Variants in NEDD4 observed in about 807,000 individuals in gnomAD.
NEDD4 encodes E3 ubiquitin-protein ligase NEDD4.
NEDD4 carries 99 observed loss-of-function variants against 144.9 expected under a neutral mutation model. That is an observed-to-expected ratio of 0.68 (90% CI 0.58 to 0.81). NEDD4 has a LOEUF of 0.81. Ranked by LOEUF, NEDD4 falls within the 30% of genes least tolerant of loss-of-function variation. NEDD4 has a pLI of 0.00. For missense variants in NEDD4, 985 were observed against 1,065.9 expected, an observed-to-expected ratio of 0.92 and a Z score of 1.06; for synonymous variants, 318 against 350.6, an observed-to-expected ratio of 0.91 and a Z score of 1.04.
intron 9 of NEDD4, 46 bp from the exon 10 acceptor site, chr15:55,860,824 A>G: frequency 1.3e-6 from 2 of 1,499,194 alleles, no homozygotes; most frequent in Non-Finnish European, 1.8e-6. Flanking sequence ...TTAAGTAGTT[A>G]AAATGATTGT....
At chr15:55,922,504 AG>A (rs1400307241) in intron 5 of NEDD4, among the ~76,000 whole-genome samples, 1 of 152,102 alleles carries the variant, frequency 6.6e-6, no homozygotes, top group African/African-American at 2.4e-5. Context: ...CTGGGACTAC[AG>A]GTGCCCACCA....
rs114712899 is a variant in NEDD4, at chr15:55,896,820, T to C, written c.292-22812A>G. Among the ~76,000 whole-genome samples the C allele has an allele frequency of 2.6e-3, 399 of 152,282 alleles. 3 individuals are homozygous for C. Among genetic ancestry groups the C allele is most frequent in the Middle Eastern group, 0.01 (3 of 294 alleles). On this transcript the variant is annotated intron_variant, in intron 5 of 28. Coordinates refer to ENST00000435532, the MANE Select transcript of NEDD4 (RefSeq NM_006154.4). ...GAAATGTTAAGGAAAACTTTTATTC[T>C]TTGTTATAGCCCAATGTGCCTTACC...
intron 5 of NEDD4, among the ~76,000 whole-genome samples, chr15:55,912,529 A>T (rs2036307615): frequency 6.6e-6 from 1 of 152,164 alleles, no homozygotes. Context: ...AGCTTGGGAA[A>T]AATGCTAATG....
At chr15:55,856,300 A>C (rs1595755217) in intron 11 of NEDD4, 104 bp from the exon 12 acceptor site, 3 of 961,562 alleles carry the variant, frequency 3.1e-6, no homozygotes, top group African/African-American at 3.3e-5. Context: ...AGAAGAGAGA[A>C]GGCTGGCTAG....
intron 24 of NEDD4, among the ~76,000 whole-genome samples, chr15:55,835,919 T>C (rs2414444): frequency 0.41 from 62,039 of 151,964 alleles, 12,887 homozygotes; most frequent in South Asian, 0.48. Flanking sequence ...TTCTCCCTCA[T>C]TGAAATTCAG....
Position 55,838,188 on chromosome 15 carries a change from TA to T in NEDD4, c.2128-9del. 6.4e-7 allele frequency: 1 copy of T among 1,568,236 alleles called. No individual in the cohort carries two copies. ...CAGCTCATGTTGATGTGTCTAAAAT[TA>T]AACACAATAACTTGATATGTTATTT... On this transcript the variant is annotated splice_polypyrimidine_tract_variant and intron_variant, in intron 22 of 28. Coordinates refer to ENST00000435532, the MANE Select transcript of NEDD4 (RefSeq NM_006154.4).
At chr15:55,855,023 G>T (rs2034136146) in intron 12 of NEDD4, among the ~76,000 whole-genome samples, 1 of 152,158 alleles carries the variant, frequency 6.6e-6, no homozygotes, top group African/African-American at 2.4e-5. Flanking sequence ...GAGGAGGCTG[G>T]ACAGATGACA....
intron 26 of NEDD4, among the ~76,000 whole-genome samples, chr15:55,833,384 G>A (rs2033048432): frequency 6.6e-6 from 1 of 152,120 alleles, no homozygotes; most frequent in Admixed American, 6.6e-5. Context: ...TATGCTGGGT[G>A]CAGTGGCTCA....
chr15:55,833,100 A>C lies in NEDD4; in HGVS notation c.2435T>G (p.Val812Gly), dbSNP rs1347307640. The stretch of plus-strand genomic sequence containing the variant: ...TCTTTTTTCTGAATCCATCATTAAA[A>C]CAGCCTGAATAAGATAAAAACATCA... ...HQVIQWFWKAVLMMDSEKRIR... is the reference protein window; with the variant it reads ...HQVIQWFWKAGLMMDSEKRIR... The change falls in exon 27 of 29, where the codon GTT becomes GGT. Residue 812 changes from valine (V) to glycine (G), a missense_variant. Coordinates refer to ENST00000435532, the MANE Select transcript of NEDD4 (RefSeq NM_006154.4). 2.5e-6 allele frequency: 4 copies of C among 1,606,872 alleles called. No homozygotes were observed. Among genetic ancestry groups the C allele is most frequent in the African/African-American group, 1.3e-5 (1 of 74,778 alleles).
chr15:55,936,437 T>C (rs1228051443), intron 4 of NEDD4, among the ~76,000 whole-genome samples: 6 of 151,958 alleles, frequency 3.9e-5, no homozygotes, highest in Non-Finnish European at 4.4e-5. Context: ...AAAAAACACA[T>C]AGGAAATCCC....
chr15:55,955,038 T>C (rs2037313297), intron 2 of NEDD4, among the ~76,000 whole-genome samples: 1 of 147,598 alleles, frequency 6.8e-6, no homozygotes, highest in Non-Finnish European at 1.5e-5. Flanking sequence ...CAGCATTTTT[T>C]GAGACAGAGT....
At chr15:55,896,403 C>T (rs190472484) in intron 5 of NEDD4, among the ~76,000 whole-genome samples, 9 of 152,154 alleles carry the variant, frequency 5.9e-5, no homozygotes, top group East Asian at 5.8e-4. Context: ...AGGCTGGTCT[C>T]GAACTCCTGG....
At chr15:55,920,958 A>G (rs1162784401) in intron 5 of NEDD4, among the ~76,000 whole-genome samples, 1 of 152,176 alleles carries the variant, frequency 6.6e-6, no homozygotes, top group African/African-American at 2.4e-5. Context: ...TCTCAAGAAA[A>G]GCTGTATTTC....
At chr15:55,852,580 A>C (rs768546091) in intron 12 of NEDD4, 37 bp from the exon 13 acceptor site, 30 of 1,602,524 alleles carry the variant, frequency 1.9e-5, no homozygotes, top group Non-Finnish European at 2.6e-5. Context: ...AAATACATCA[A>C]GTTTAAGAAT....
rs71110349 is a variant in NEDD4 at position 55,883,882 on chromosome 15, C to CTT, written c.292-9876_292-9875dup. On this transcript the variant is annotated intron_variant, in intron 5 of 28. Transcript: ENST00000435532. ...ATCCAAGACCACCAAAGTGGCACTT[C>CTT]TTTTTTTTTTTTTTTGAGACAGAGT... Among the ~76,000 whole-genome samples, 328 of 140,896 alleles carry CTT rather than the reference C, an allele frequency of 2.3e-3. 3 individuals carry two copies. The highest frequency in any genetic ancestry group is 0.011 in the Middle Eastern group (3 of 268). The allele number at this position is 140,896 out of a possible 152,430, so 92.4% of individuals were successfully genotyped here.
chr15:55,963,517 G>A (rs1284598561), intron 2 of NEDD4, among the ~76,000 whole-genome samples: 4 of 151,796 alleles, frequency 2.6e-5, no homozygotes, highest in South Asian at 2.1e-4. Flanking sequence ...ACTTAGTATT[G>A]TACCATTCTA....
At chr15:55,968,074 T>C (rs1272765900) in intron 1 of NEDD4, among the ~76,000 whole-genome samples, 2 of 152,166 alleles carry the variant, frequency 1.3e-5, no homozygotes, top group Non-Finnish European at 2.9e-5. Context: ...TGTTTACGTG[T>C]GAAAATATTT....
chr15:55,842,996 T>C (rs1156565114), intron 18 of NEDD4, among the ~76,000 whole-genome samples: 2 of 152,178 alleles, frequency 1.3e-5, no homozygotes, highest in Admixed American at 6.5e-5. Flanking sequence ...TGGGAGGTGA[T>C]TGAATTATGG....
At position 55,842,129 on chromosome 15, in the gene NEDD4, C is replaced by T. The variant is rs139245513; in HGVS notation, c.1643G>A (p.Arg548His). Residue 548 changes from arginine (R) to histidine (H), a missense_variant, in exon 19 of 29, where the codon CGC becomes CAC. Transcript: ENST00000435532. ...AGAGTCTTCAAGAACAGTTGCTCGG[C>T]GAAGTTTCATTTCAAATTTGTTTGG... ...DIPNKFEMKL[R>H]RATVLEDSYR... The T allele has an allele frequency of 3.2e-4, 523 of 1,614,046 alleles. No homozygotes were observed. Among genetic ancestry groups the T allele is most frequent in the East Asian group, 3.0e-3 (133 of 44,872 alleles).
Sources: allele counts gnomAD v4.1 joint callset (sites outside exome capture counted in the v4.1 genomes callset), GRCh38; gene constraint gnomAD v4.1.1; transcripts MANE v1.5; gene names NCBI Gene and HGNC (gene_info 2026-07-23, HGNC 2026-07-21).